The following ZNF407 variants were observed in gnomAD, a reference collection of about 807,000 sequenced individuals.
The protein encoded by ZNF407 is zinc finger protein 407.
A neutral mutation model predicts 131.2 loss-of-function variants in ZNF407; 17 were observed. That is an observed-to-expected ratio of 0.13 (90% CI 0.09 to 0.19). The LOEUF is 0.19. ZNF407 is among the 10% of genes least tolerant of loss of function. The probability of loss-of-function intolerance (pLI) is 1.00; values close to 1 mark genes in which losing one functional copy is unlikely to be tolerated. For synonymous variants in ZNF407, 1,156 were observed against 1,062.0 expected (o/e 1.09, Z -1.72); for missense variants, 2,681 against 2,830.6 (o/e 0.95, Z 1.20).
At chr18:74,623,362 G>A (rs1983645622) in intron 1 of ZNF407, among the ~76,000 whole-genome samples, 2 of 152,222 alleles carry the variant, frequency 1.3e-5, no homozygotes, top group South Asian at 2.1e-4. Flanking sequence ...GCGCGTGTGC[G>A]TCTGTGACTT....
chr18:75,036,149 T>C (rs1973305795), intron 8 of ZNF407, among the ~76,000 whole-genome samples: 1 of 152,226 alleles, frequency 6.6e-6, no homozygotes, highest in South Asian at 2.1e-4. Flanking sequence ...TAACAGAGGA[T>C]ATTTATGCAA....
chr18:74,991,250 A>G lies in ZNF407; in HGVS notation c.5428+70558A>G, dbSNP rs118020235. ...TGAGGGTAGTAGAAGGGACTCCTGT[A>G]GAAGCTTCACATAGCTGTTTGTGTG... On this transcript the variant is annotated intron_variant, in intron 8 of 8. Coordinates refer to ENST00000299687, the MANE Select transcript of ZNF407 (RefSeq NM_017757.3). Among the ~76,000 whole-genome samples, 1,176 of 152,358 alleles carry G rather than the reference A, an allele frequency of 7.7e-3. 7 individuals are homozygous for G. Among genetic ancestry groups the G allele is most frequent in the Middle Eastern group, 0.014 (4 of 294 alleles).
chr18:74,979,050 G>T (rs966874842), intron 8 of ZNF407, among the ~76,000 whole-genome samples: 1 of 152,100 alleles, frequency 6.6e-6, no homozygotes, highest in Admixed American at 6.5e-5. Flanking sequence ...GACTTCGCGG[G>T]CAGCACTGCT....
At chr18:74,709,001 C>T (rs1967694052) in intron 3 of ZNF407, among the ~76,000 whole-genome samples, 1 of 152,086 alleles carries the variant, frequency 6.6e-6, no homozygotes, top group African/African-American at 2.4e-5. Context: ...AGTGAAAGAC[C>T]TCAAAATAAT....
chr18:74,796,466 T>C, intron 4 of ZNF407, among the ~76,000 whole-genome samples: 1 of 152,206 alleles, frequency 6.6e-6, no homozygotes. Flanking sequence ...CATTTTTCTA[T>C]ATAGCAGAGA....
intron 4 of ZNF407, among the ~76,000 whole-genome samples, chr18:74,807,869 G>GT (rs1970135597): frequency 6.6e-6 from 1 of 152,010 alleles, no homozygotes. Context: ...TTGATGTAAG[G>GT]TTTTTTTAAT....
Position 75,063,668 on chromosome 18 carries a change from C to T in ZNF407, c.5947C>T (p.Pro1983Ser). The stretch of plus-strand genomic sequence containing the variant: ...CCTCTCGGAGGCTGGAGTCGCTCCC[C>T]CCGAGGCATCCTCAGCCCTGGATGC... The part of the protein sequence containing the change: ...LNLSEAGVAP[P>S]EASSALDALL... Residue 1983 changes from proline to serine, a missense_variant, in exon 9 of 9, where the codon CCC (proline) becomes TCC (serine). By Grantham distance (74) the Pro-to-Ser change is moderately conservative. Coordinates refer to ENST00000299687, the MANE Select transcript of ZNF407 (RefSeq NM_017757.3). This position sits in a 1 kb window ranked among gnomAD's most constrained non-coding sequence, Gnocchi z 6.6. 4.4e-6 allele frequency: 7 copies of T among 1,608,890 alleles called. No homozygotes were observed. The highest frequency in any genetic ancestry group is 5.9e-6 in the Non-Finnish European group (7 of 1,178,426).
intron 8 of ZNF407, among the ~76,000 whole-genome samples, chr18:74,980,146 C>T (rs1402526356): frequency 1.3e-5 from 2 of 151,918 alleles, no homozygotes; most frequent in Admixed American, 6.6e-5. Context: ...CTGTTTTTAA[C>T]ACTAAAATTA....
chr18:74,994,801 G>T lies in ZNF407; in HGVS notation c.5429-68349G>T, dbSNP rs1344561560. 3.9e-5 allele frequency among the ~76,000 whole-genome samples: 6 copies of T among 152,204 alleles called. No individual in the cohort carries two copies. The South Asian group carries it at 1.2e-3, about 32-fold the overall frequency. On this transcript the variant is annotated intron_variant, in intron 8 of 8. Transcript: ENST00000299687. Reference sequence around the variant, plus strand: ...GCCGGGGAGGGCACTCGTGGGCAGTGAGCGGCCACAGCACAGTGTGGACAG... The same window carrying T: ...GCCGGGGAGGGCACTCGTGGGCAGTTAGCGGCCACAGCACAGTGTGGACAG...
chr18:75,024,956 A>T (rs1341904752), intron 8 of ZNF407, among the ~76,000 whole-genome samples: 6 of 152,194 alleles, frequency 3.9e-5, no homozygotes, highest in African/African-American at 1.4e-4. Flanking sequence ...CTGATCATTT[A>T]AAAAAATGTG....
At chr18:74,846,612 C>G (rs147783219) in intron 4 of ZNF407, among the ~76,000 whole-genome samples, 245 of 151,784 alleles carry the variant, frequency 1.6e-3, no homozygotes, top group Middle Eastern at 0.014. Context: ...GCTGGGATTA[C>G]AGGTGTGAGC....
At chr18:74,625,546 G>A (rs1460302730) in intron 1 of ZNF407, among the ~76,000 whole-genome samples, 3 of 152,134 alleles carry the variant, frequency 2.0e-5, no homozygotes, top group Admixed American at 2.0e-4. Flanking sequence ...TTTAGACTAA[G>A]CATTAAAATG....
At position 74,632,041 on chromosome 18, in the gene ZNF407, G is replaced by C; in HGVS notation, c.1022G>C (p.Ser341Thr). 6.2e-7 allele frequency: 1 copy of C among 1,613,796 alleles called. No homozygotes were observed. Among genetic ancestry groups the C allele is most frequent in the South Asian group, 1.1e-5 (1 of 91,040 alleles). The change falls in exon 2 of 9, where the codon AGC becomes ACC. Residue 341 changes from serine to threonine, a missense_variant. By Grantham distance (58) the Ser-to-Thr change is moderately conservative. Coordinates refer to ENST00000299687, the MANE Select transcript of ZNF407 (RefSeq NM_017757.3). ...AGTATTTCTAAACAAAGTGGTAGTA[G>C]CAGTGAGCTTCTTGTTGAAATGATG... Reference protein sequence around the residue: ...RGSISKQSGSSSELLVEMMPS... With the variant: ...RGSISKQSGSTSELLVEMMPS...
chr18:74,953,177 G>C (rs1257037593), intron 8 of ZNF407, among the ~76,000 whole-genome samples: 1 of 152,186 alleles, frequency 6.6e-6, no homozygotes, highest in East Asian at 1.9e-4. Flanking sequence ...GTGATCACTT[G>C]AATGAGGGTA....
chr18:74,769,396 C>CTTTTTTTTTTTTTTTTTTTTTTTTTTT (rs1568207282), intron 3 of ZNF407, among the ~76,000 whole-genome samples: 2 of 151,242 alleles, frequency 1.3e-5, no homozygotes, highest in African/African-American at 4.9e-5. Flanking sequence ...GCAAAGGGTT[C>CTTTTTTTTTTTTTTTTTTTTTTTTTTT]TTTACAGAGC....
At chr18:74,786,961 A>T (rs1425245078) in intron 4 of ZNF407, among the ~76,000 whole-genome samples, 1 of 151,224 alleles carries the variant, frequency 6.6e-6, no homozygotes, top group African/African-American at 2.4e-5. Flanking sequence ...ACCCGCCACC[A>T]CACCCGGCTC....
chr18:74,644,900 A>G (rs191823442), intron 3 of ZNF407, among the ~76,000 whole-genome samples: 70 of 151,714 alleles, frequency 4.6e-4, no homozygotes, highest in Middle Eastern at 3.4e-3. Context: ...TTTTCACTGC[A>G]TGTAGGAAAT....
chr18:75,024,437 A>T (rs1471216718), intron 8 of ZNF407, among the ~76,000 whole-genome samples: 1 of 152,226 alleles, frequency 6.6e-6, no homozygotes, highest in Non-Finnish European at 1.5e-5. Flanking sequence ...CAGGGAAATA[A>T]TGTGGTGTGA....
In ZNF407 at chr18:75,048,098, AG is replaced by A. The variant is rs1312515815; in HGVS notation, c.5429-15051del. Among the ~76,000 whole-genome samples the A allele has an allele frequency of 6.6e-6, 1 of 152,204 alleles. No homozygotes were observed. The highest frequency in any genetic ancestry group is 1.5e-5 in the Non-Finnish European group (1 of 68,038). ...TCATAACTCGTTAACCACGTGCTCA[AG>A]AGGAAAATGACCAGAATCATAGACT... On this transcript the variant is annotated intron_variant, in intron 8 of 8. Coordinates refer to ENST00000299687, the MANE Select transcript of ZNF407 (RefSeq NM_017757.3). The surrounding 1 kb of genome is among the most constrained non-coding windows in gnomAD (Gnocchi z 4.1).
Sources: allele counts gnomAD v4.1 joint callset (sites outside exome capture counted in the v4.1 genomes callset), GRCh38; gene constraint gnomAD v4.1.1; non-coding constraint Gnocchi (gnomAD v3.1); transcripts MANE v1.5; gene names NCBI Gene and HGNC (gene_info 2026-07-23, HGNC 2026-07-21).